The following MALRD1 variants were observed in gnomAD, a reference collection of about 807,000 sequenced individuals.
MALRD1 encodes the protein MAM and LDL receptor class A domain containing 1.
MALRD1 carries 247 observed loss-of-function variants against 242.1 expected under a neutral mutation model. That is an observed-to-expected ratio of 1.02 (90% CI 0.92 to 1.13). The LOEUF (loss-of-function observed/expected upper bound fraction) is 1.13. MALRD1 is among the 50% of genes most tolerant of loss of function. MALRD1 has a pLI of 0.00. For missense variants in MALRD1, 2,989 were observed against 2,533.1 expected (o/e 1.18, Z -3.86); for synonymous variants, 995 against 866.6 (o/e 1.15, Z -2.60).
At chr10:19,286,742 C>A (rs1462707599) in intron 21 of MALRD1, among the ~76,000 whole-genome samples, 1 of 151,266 alleles carries the variant, frequency 6.6e-6, no homozygotes, top group Non-Finnish European at 1.5e-5. Context: ...ACCAGAGGTA[C>A]AAGGAGGAAC....
chr10:19,255,265 A>T (rs1839457685), intron 18 of MALRD1, among the ~76,000 whole-genome samples: 1 of 152,038 alleles, frequency 6.6e-6, no homozygotes, highest in Admixed American at 6.6e-5. Context: ...AATGGGACTT[A>T]GGAGTAAAAT....
chr10:19,119,433 G>T (rs1429696905), intron 5 of MALRD1, among the ~76,000 whole-genome samples: 2 of 152,158 alleles, frequency 1.3e-5, no homozygotes, highest in African/African-American at 2.4e-5. Context: ...AGCATTCAGG[G>T]ATCAGAGTTT....
chr10:19,319,909 T>G (rs1417378636), intron 21 of MALRD1, among the ~76,000 whole-genome samples: 1 of 151,990 alleles, frequency 6.6e-6, no homozygotes, highest in Non-Finnish European at 1.5e-5. Context: ...TTTTTAAACT[T>G]AAAGCATTTA....
chr10:19,512,971 A>C (rs1833469574), intron 31 of MALRD1, among the ~76,000 whole-genome samples: 3 of 152,182 alleles, frequency 2.0e-5, no homozygotes, highest in Non-Finnish European at 4.4e-5. Flanking sequence ...AATTTACTTA[A>C]TTTTAAATAA....
At position 19,413,965 on chromosome 10, in the gene MALRD1, C is replaced by CAA. The variant is rs61376344; in HGVS notation, c.4845+24368_4845+24369dup. Among the ~76,000 whole-genome samples, 134 of 133,696 alleles carry CAA rather than the reference C, an allele frequency of 1.0e-3. 1 individual carries two copies. The highest frequency in any genetic ancestry group is 3.6e-3 in the South Asian group (15 of 4,186). 87.7% of individuals were successfully genotyped at this position (133,696 alleles called of 152,430 possible). A position where few individuals can be genotyped will look rare whatever the true frequency, so the allele number is the denominator to read the frequency against. On this transcript the variant is annotated intron_variant, in intron 28 of 39. Coordinates refer to ENST00000454679, the MANE Select transcript of MALRD1 (RefSeq NM_001142308.3). ...GACTCTGTCTCAAAAAAACAAAAAC[C>CAA]AAAAAAAAAAAAACAATGATTTTTA...
intron 8 of MALRD1, among the ~76,000 whole-genome samples, chr10:19,128,751 A>G (rs1303176760): frequency 1.3e-5 from 2 of 152,154 alleles, no homozygotes; most frequent in African/African-American, 4.8e-5. Flanking sequence ...AACTATAAAT[A>G]TAATGGTTAA....
intron 36 of MALRD1, among the ~76,000 whole-genome samples, chr10:19,670,934 A>G (rs1841891197): frequency 1.4e-5 from 2 of 147,568 alleles, no homozygotes. Flanking sequence ...GCTGGAGTGC[A>G]GTGGCACCAT....
At chr10:19,534,152 T>C (rs1834546291) in intron 32 of MALRD1, among the ~76,000 whole-genome samples, 1 of 152,208 alleles carries the variant, frequency 6.6e-6, no homozygotes, top group Non-Finnish European at 1.5e-5. Context: ...AGAATTCTCC[T>C]TTTGTTACTT....
At chr10:19,184,293 A>G (rs1835644793) in intron 14 of MALRD1, among the ~76,000 whole-genome samples, 1 of 152,146 alleles carries the variant, frequency 6.6e-6, no homozygotes, top group African/African-American at 2.4e-5. Flanking sequence ...ACAAACCCTA[A>G]AAGAAGGCAG....
At chr10:19,536,746 A>T (rs1172176449) in intron 32 of MALRD1, among the ~76,000 whole-genome samples, 2 of 152,214 alleles carry the variant, frequency 1.3e-5, no homozygotes, top group African/African-American at 2.4e-5. Context: ...TACATTAATT[A>T]CATTACATTA....
intron 8 of MALRD1, among the ~76,000 whole-genome samples, chr10:19,131,924 A>C (rs976277588): frequency 2.6e-5 from 4 of 152,340 alleles, no homozygotes; most frequent in African/African-American, 7.2e-5. Flanking sequence ...AAAGTGGAAG[A>C]GTAAGAACAG....
intron 24 of MALRD1, among the ~76,000 whole-genome samples, chr10:19,335,591 G>A (rs190757716): frequency 9.9e-5 from 15 of 152,210 alleles, no homozygotes; most frequent in African/African-American, 3.6e-4. Flanking sequence ...GATTTCAAAA[G>A]TTTGGCTGGC....
intron 36 of MALRD1, among the ~76,000 whole-genome samples, chr10:19,630,948 A>G (rs1839868772): frequency 6.6e-6 from 1 of 152,162 alleles, no homozygotes; most frequent in Non-Finnish European, 1.5e-5. Context: ...GTACAAGGGA[A>G]GGAAGACTGG....
chr10:19,458,862 C>T (rs1835794003), intron 29 of MALRD1, among the ~76,000 whole-genome samples: 1 of 151,302 alleles, frequency 6.6e-6, no homozygotes, highest in African/African-American at 2.4e-5. Flanking sequence ...ATCTCTTAGC[C>T]AACTTGTTTT....
intron 32 of MALRD1, among the ~76,000 whole-genome samples, chr10:19,544,873 G>A (rs1203671193): frequency 6.6e-6 from 1 of 152,100 alleles, no homozygotes; most frequent in Non-Finnish European, 1.5e-5. Context: ...ATATCAAGCA[G>A]TGGGCAAGTT....
chr10:19,172,785 T>A (rs924575635), intron 13 of MALRD1, among the ~76,000 whole-genome samples: 3 of 151,932 alleles, frequency 2.0e-5, no homozygotes, highest in Non-Finnish European at 4.4e-5. Flanking sequence ...ATGCAAGATG[T>A]ATTATAATCA....
chr10:19,114,893 A>G (rs1389977436), intron 5 of MALRD1, among the ~76,000 whole-genome samples: 1 of 152,164 alleles, frequency 6.6e-6, no homozygotes, highest in African/African-American at 2.4e-5. Flanking sequence ...GTGTCTTCAC[A>G]TGGTCATTCT....
chr10:19,231,709 G>C (rs1027919656), intron 18 of MALRD1, among the ~76,000 whole-genome samples: 4 of 152,100 alleles, frequency 2.6e-5, no homozygotes, highest in African/African-American at 9.7e-5. Flanking sequence ...ATGTGGAACT[G>C]TGAGTTCATT....
intron 36 of MALRD1, among the ~76,000 whole-genome samples, chr10:19,668,451 T>A (rs1036396660): frequency 6.6e-6 from 1 of 152,178 alleles, no homozygotes; most frequent in South Asian, 2.1e-4. Flanking sequence ...GTGATCATTT[T>A]TTCAGGGCTT....
Sources: gnomAD v4.1 joint callset for allele counts (sites outside exome capture counted in the v4.1 genomes callset) on GRCh38, gnomAD v4.1.1 for gene constraint, MANE v1.5 for transcripts, NCBI Gene and HGNC (gene_info 2026-07-23, HGNC 2026-07-21) for gene names.